Variants in TTLL9 observed in about 807,000 individuals in gnomAD.
TTLL9 encodes probable tubulin polyglutamylase TTLL9.
Under a neutral mutation model 65.6 loss-of-function variants are expected in TTLL9, and 47 were observed. The observed-to-expected ratio is 0.72, with a 90% confidence interval of 0.57 to 0.91. TTLL9 has a LOEUF of 0.91. TTLL9 is among the 40% of genes least tolerant of loss of function. The pLI, the probability that TTLL9 is intolerant of heterozygous loss-of-function variation, is 0.00. For synonymous variants in TTLL9, 179 were observed against 204.8 expected (o/e 0.87, Z 1.07); for missense variants, 537 against 568.8 (o/e 0.94, Z 0.57).
chr20:31,936,616 A>G (rs1211415069), intron 12 of TTLL9, among the ~76,000 whole-genome samples: 1 of 152,034 alleles, frequency 6.6e-6, no homozygotes, highest in Admixed American at 6.6e-5. Context: ...CCAGCTCACC[A>G]CAGTCTCCAC....
At chr20:31,892,182 CTTTT>C (rs199589961) in intron 3 of TTLL9, among the ~76,000 whole-genome samples, 4 of 125,408 alleles carry the variant, frequency 3.2e-5, no homozygotes, top group African/African-American at 2.9e-5. Context: ...CATAAACTTT[CTTTT>C]TTTTTTTTTT....
intron 10 of TTLL9, among the ~76,000 whole-genome samples, chr20:31,933,325 C>G (rs1394544045): frequency 6.6e-6 from 1 of 152,008 alleles, no homozygotes; most frequent in Non-Finnish European, 1.5e-5. Context: ...GGCCGCCCAG[C>G]CTGGACCCCT....
At chr20:31,902,420 G>T (rs983281412) in intron 4 of TTLL9, among the ~76,000 whole-genome samples, 4 of 151,874 alleles carry the variant, frequency 2.6e-5, no homozygotes, top group African/African-American at 9.7e-5. Context: ...TCGCTGTGTC[G>T]CCCAGGCTGG....
intron 2 of TTLL9, among the ~76,000 whole-genome samples, chr20:31,877,263 C>A (rs904050520): frequency 1.3e-5 from 2 of 152,160 alleles, no homozygotes; most frequent in Non-Finnish European, 1.5e-5. Flanking sequence ...CTCAGCCTCC[C>A]GAGTAACTGG....
At chr20:31,935,147 C>A (rs545661034) in intron 12 of TTLL9, among the ~76,000 whole-genome samples, 1 of 152,212 alleles carries the variant, frequency 6.6e-6, no homozygotes, top group Admixed American at 6.5e-5. Context: ...ACTGGGAGGC[C>A]CTTCCTGATC....
intron 8 of TTLL9, among the ~76,000 whole-genome samples, chr20:31,923,462 G>T (rs1383551777): frequency 6.6e-6 from 1 of 152,200 alleles, no homozygotes; most frequent in Admixed American, 6.5e-5. Context: ...AGTGCTGGGT[G>T]CTATGAAGTC....
At position 31,898,470 on chromosome 20, in the gene TTLL9, C is replaced by A. The variant is rs760930450; in HGVS notation, c.114-3C>A. ...AGCAAATGTTCATTGCCTTGTCTTG[C>A]AGAGAGCAGAGAGCATCGATCCGGT... is the stretch of plus-strand genomic sequence containing the variant. On this transcript the variant is annotated splice_polypyrimidine_tract_variant and splice_region_variant and intron_variant, in intron 3 of 14. Coordinates refer to ENST00000535842, the MANE Select transcript of TTLL9 (RefSeq NM_001008409.5). 7 of 1,613,586 alleles carry A rather than the reference C, an allele frequency of 4.3e-6. No individual in the cohort carries two copies. The highest frequency in any genetic ancestry group is 5.9e-6 in the Non-Finnish European group (7 of 1,179,662).
Position 31,907,933 on chromosome 20 carries a change from C to T in TTLL9, c.207-658C>T, listed in dbSNP as rs868038559. On this transcript the variant is annotated intron_variant, in intron 4 of 14. Coordinates refer to ENST00000535842, the MANE Select transcript of TTLL9 (RefSeq NM_001008409.5). ...GCATCTTTTTCAAACACCTCCTCCC[C>T]GCACCCCAGCTCTGGCACCCAGATT... Among the ~76,000 whole-genome samples the T allele has an allele frequency of 3.9e-5, 6 of 152,198 alleles. No homozygotes were observed. In the South Asian group the frequency reaches 8.3e-4, roughly 21 times the overall value.
At chr20:31,937,318 C>A in intron 12 of TTLL9, 78 bp from the exon 13 acceptor site, 1 of 927,844 alleles carries the variant, frequency 1.1e-6, no homozygotes, top group Non-Finnish European at 1.7e-6. Context: ...TCCATGCATC[C>A]ATCTAGCCTC....
At position 31,943,336 on chromosome 20, in the gene TTLL9, C is replaced by G. The variant is rs2123666013; in HGVS notation, c.*315C>G. On this transcript the variant is annotated 3_prime_UTR_variant, in exon 15 of 15. Coordinates refer to ENST00000535842, the MANE Select transcript of TTLL9 (RefSeq NM_001008409.5). ...TTCTGCTACCCCCAGGAGATCATAT[C>G]TAATAAATGAGCACAGGCCCTACTT... 2.4e-6 allele frequency: 1 copy of G among 413,944 alleles called. No homozygotes were observed. Among genetic ancestry groups the G allele is most frequent in the African/African-American group, 2.0e-5 (1 of 49,580 alleles). The allele number at this position is 413,944 out of a possible 1,614,324, so 25.6% of individuals were successfully genotyped here.
At chr20:31,889,982 CTTT>C (rs2063265732) in intron 3 of TTLL9, among the ~76,000 whole-genome samples, 1 of 94,830 alleles carries the variant, frequency 1.1e-5, no homozygotes. Flanking sequence ...CTCTTTCTTT[CTTT>C]CTTTCTTTCT....
At chr20:31,924,535 C>T (rs1211678375) in intron 8 of TTLL9, among the ~76,000 whole-genome samples, 12 of 151,628 alleles carry the variant, frequency 7.9e-5, no homozygotes, top group East Asian at 1.9e-4. Flanking sequence ...TTGACCCCCA[C>T]GCACCCCTCC....
intron 14 of TTLL9, among the ~76,000 whole-genome samples, chr20:31,942,701 A>G (rs1368924103): frequency 6.6e-6 from 1 of 152,180 alleles, no homozygotes; most frequent in Non-Finnish European, 1.5e-5. Flanking sequence ...CCCAGTCCTC[A>G]TGTTCACTCC....
intron 2 of TTLL9, 109 bp from the exon 3 acceptor site, chr20:31,887,087 C>T: frequency 1.8e-6 from 2 of 1,091,610 alleles, no homozygotes; most frequent in Non-Finnish European, 2.8e-6. Context: ...AGAACCTAGG[C>T]ATTGTTGAGT....
intron 2 of TTLL9, chr20:31,884,233 A>ATTTG: frequency 2.7e-6 from 1 of 368,298 alleles, no homozygotes; most frequent in Non-Finnish European, 5.0e-6. Flanking sequence ...TTATTTATTT[A>ATTTG]TTTATTTTTT....
At chr20:31,898,146 A>G (rs1277271030) in intron 3 of TTLL9, among the ~76,000 whole-genome samples, 1 of 152,200 alleles carries the variant, frequency 6.6e-6, no homozygotes, top group East Asian at 1.9e-4. Context: ...CATCTGCTTC[A>G]TCTTCCCAGA....
intron 3 of TTLL9, among the ~76,000 whole-genome samples, chr20:31,894,163 G>A (rs1255076898): frequency 6.9e-6 from 1 of 145,014 alleles, no homozygotes; most frequent in Non-Finnish European, 1.5e-5. Context: ...GAGTGCAGTG[G>A]TGCGATCATG....
intron 2 of TTLL9, chr20:31,884,012 TATTCACAGA>T (rs776887088): frequency 2.0e-6 from 1 of 502,606 alleles, no homozygotes; most frequent in South Asian, 3.7e-5. Context: ...AGTCTGCCTT[TATTCACAGA>T]TGACATCATT....
rs753439953 is a variant in TTLL9, at chr20:31,934,685, G to T, written c.808-7G>T. ...CTCCTCTCTCGACCCGGCTGCCCGGGGCCCAGGGCTGCAAGTGGACGCTGC... is the reference window on the plus strand; with the variant it reads ...CTCCTCTCTCGACCCGGCTGCCCGGTGCCCAGGGCTGCAAGTGGACGCTGC... On this transcript the variant is annotated splice_polypyrimidine_tract_variant and splice_region_variant and intron_variant, in intron 11 of 14. Coordinates refer to ENST00000535842, the MANE Select transcript of TTLL9 (RefSeq NM_001008409.5). 2 of 1,606,560 alleles carry T rather than the reference G, an allele frequency of 1.2e-6. No individual in the cohort carries two copies. Among genetic ancestry groups the T allele is most frequent in the Non-Finnish European group, 1.7e-6 (2 of 1,177,008 alleles).
Sources: gnomAD v4.1 joint callset for allele counts (sites outside exome capture counted in the v4.1 genomes callset) on GRCh38, gnomAD v4.1.1 for gene constraint, MANE v1.5 for transcripts, NCBI Gene and HGNC (gene_info 2026-07-23, HGNC 2026-07-21) for gene names.